NLRP14: variants seen among roughly 807,000 people sequenced by gnomAD.
NLRP14 encodes the protein NACHT, LRR and PYD domains-containing protein 14.
A neutral mutation model predicts 94.7 loss-of-function variants in NLRP14; 105 were observed. The observed-to-expected ratio is 1.11, with a 90% CI of 0.95 to 1.30. The LOEUF (loss-of-function observed/expected upper bound fraction) is 1.30, where lower values mean the gene tolerates loss of function less well. Ranked by LOEUF, NLRP14 falls within the 50% of genes most tolerant of loss-of-function variation. The pLI is 0.00. For synonymous variants in NLRP14, 508 were observed against 459.9 expected (o/e 1.10, Z -1.34); for missense variants, 1,362 against 1,254.1 (o/e 1.09, Z -1.30).
At chr11:7,063,316 A>G (rs1423053508) in intron 10 of NLRP14, among the ~76,000 whole-genome samples, 3 of 152,102 alleles carry the variant, frequency 2.0e-5, no homozygotes, top group Non-Finnish European at 4.4e-5. Flanking sequence ...CTTGTAGCAG[A>G]GCAAGAGCAT....
At chr11:7,089,849 C>T in the NLRP14 span, 7 of 1,611,898 alleles carry the variant, frequency 4.3e-6, no homozygotes, top group East Asian at 4.5e-5. Context: ...ACCGCGATTA[C>T]GGCCACTCCA....
At chr11:7,042,325 A>T (rs1471554029) in intron 3 of NLRP14, 63 bp from the exon 4 acceptor site, 2 of 1,349,128 alleles carry the variant, frequency 1.5e-6, no homozygotes, top group Non-Finnish European at 2.1e-6. Flanking sequence ...ATTACATTTC[A>T]TAGAATTTGT....
At chr11:7,081,429 T>C in the NLRP14 span, among the ~76,000 whole-genome samples, 1 of 152,158 alleles carries the variant, frequency 6.6e-6, no homozygotes, top group Non-Finnish European at 1.5e-5. Context: ...TAATCTTTTA[T>C]AGTCACAGAG....
At chr11:7,052,120 C>G (rs1589866467) in intron 6 of NLRP14, among the ~76,000 whole-genome samples, 3 of 152,126 alleles carry the variant, frequency 2.0e-5, no homozygotes, top group Admixed American at 2.0e-4. Context: ...AAACAGAAAC[C>G]TTGGCATAGT....
chr11:7,055,711 T>C (rs534610210), intron 6 of NLRP14, among the ~76,000 whole-genome samples: 10 of 152,122 alleles, frequency 6.6e-5, no homozygotes, highest in Non-Finnish European at 8.8e-5. Context: ...CAGAGCTTAT[T>C]CTAGGTAGAT....
At chr11:7,065,361 A>G (rs1852689558) in intron 10 of NLRP14, among the ~76,000 whole-genome samples, 1 of 152,100 alleles carries the variant, frequency 6.6e-6, no homozygotes, top group Non-Finnish European at 1.5e-5. Context: ...TTGTGTTTAT[A>G]CATAGAAACA....
intron 5 of NLRP14, among the ~76,000 whole-genome samples, chr11:7,047,770 T>TC (rs2119639777): frequency 6.8e-6 from 1 of 147,154 alleles, no homozygotes; most frequent in East Asian, 2.0e-4. Flanking sequence ...TTTCTTTTCT[T>TC]TTTTTTTTTT....
the NLRP14 span, chr11:7,089,239 T>G: frequency 6.2e-7 from 1 of 1,612,744 alleles, no homozygotes; most frequent in Non-Finnish European, 8.5e-7. Context: ...GTGCTCCTGA[T>G]GAAAGACCGA....
At chr11:7,089,520 A>G in the NLRP14 span, 1,207,643 of 1,214,968 alleles carry the variant, frequency 0.99, 600,550 homozygotes, top group East Asian at 1. Flanking sequence ...CGGCGGCTAC[A>G]CGGCGGATTT....
In NLRP14 at chr11:7,038,704, C is replaced by A. The variant is rs769071681; in HGVS notation, c.118C>A (p.Pro40Thr). 4.3e-6 allele frequency: 7 copies of A among 1,614,042 alleles called. No individual in the cohort carries two copies. The highest frequency in any genetic ancestry group is 5.1e-6 in the Non-Finnish European group (6 of 1,179,944). The change falls in exon 2 of 12, where the codon CCT becomes ACT. Residue 40 changes from proline to threonine, a missense_variant. Pro to Thr is a conservative substitution (Grantham distance 38, BLOSUM62 -1). Coordinates refer to ENST00000299481, the MANE Select transcript of NLRP14 (RefSeq NM_176822.4). ...FKLFLKETME[P>T]EHGLTPWNEV... Reference sequence around the variant, plus strand: ...GTTATTCCTAAAGGAGACCATGGAACCTGAGCATGGCCTGACACCCTGGAA... The same window carrying A: ...GTTATTCCTAAAGGAGACCATGGAAACTGAGCATGGCCTGACACCCTGGAA...
intron 1 of NLRP14, among the ~76,000 whole-genome samples, chr11:7,030,974 C>T (rs1167110410): frequency 2.0e-5 from 3 of 152,216 alleles, no homozygotes; most frequent in South Asian, 2.1e-4. Context: ...GAGCAGAGCT[C>T]CCTTGGCCCC....
intron 2 of NLRP14, 71 bp downstream of exon 2, chr11:7,038,946 T>C: frequency 6.8e-7 from 1 of 1,462,004 alleles, no homozygotes; most frequent in Non-Finnish European, 9.4e-7. Flanking sequence ...GTGGAATGTT[T>C]CTGTAAGAGG....
rs1852538127 is a variant in NLRP14, at chr11:7,057,707, T to G, written c.2322T>G (p.Cys774Trp). ...RLESCNLTVF[C>W]CLNISNALIR... ...AATCTTGCAACCTAACTGTATTTTGTTGTCTAAATATATCTAATGCTCTCA... is the reference window on the plus strand; with the variant it reads ...AATCTTGCAACCTAACTGTATTTTGGTGTCTAAATATATCTAATGCTCTCA... Residue 774 changes from cysteine to tryptophan, a missense_variant, in exon 7 of 12, where the codon TGT becomes TGG. Coordinates refer to ENST00000299481, the MANE Select transcript of NLRP14 (RefSeq NM_176822.4). The G allele has an allele frequency of 1.9e-6, 3 of 1,612,676 alleles. No individual in the cohort carries two copies. In the South Asian group the frequency reaches 3.3e-5, roughly 18 times the overall value.
chr11:7,027,933 A>G (rs1482739609), intron 1 of NLRP14, among the ~76,000 whole-genome samples: 1 of 152,002 alleles, frequency 6.6e-6, no homozygotes, highest in Admixed American at 6.6e-5. Context: ...TCCTCTCTGG[A>G]TGTTCTTTTT....
At chr11:7,073,263 G>T (rs75037657), downstream of NLRP14, among the ~76,000 whole-genome samples, 1,756 of 152,290 alleles carry the variant, frequency 0.012, 32 homozygotes, top group African/African-American at 0.04. Flanking sequence ...TAGTGTCAAA[G>T]AATTTGTGGC....
intron 1 of NLRP14, among the ~76,000 whole-genome samples, chr11:7,033,419 C>T (rs1852122804): frequency 6.6e-6 from 1 of 152,200 alleles, no homozygotes; most frequent in African/African-American, 2.4e-5. Context: ...ATATTTGTCA[C>T]AATGAAGACA....
chr11:7,059,940 ACTTCT>A lies in NLRP14; in HGVS notation c.2686_2690del (p.Leu896ThrfsTer25). On this transcript the variant is annotated frameshift_variant, in exon 9 of 12. Coordinates refer to ENST00000299481, the MANE Select transcript of NLRP14 (RefSeq NM_176822.4). LOFTEE classifies it high-confidence loss of function. ...TTCACTTAGCAGTGAATATCTGTCAACTTCTCTTCTACACAACAAGAGCCTGACGC... is the reference window on the plus strand; with the variant it reads ...TTCACTTAGCAGTGAATATCTGTCAACTTCTACACAACAAGAGCCTGACGC... 1 of 1,612,668 alleles carries A rather than the reference ACTTCT, an allele frequency of 6.2e-7. No individual in the cohort carries two copies. The highest frequency in any genetic ancestry group is 1.1e-5 in the South Asian group (1 of 91,064).
chr11:7,059,578 C>T (rs1177590576), intron 8 of NLRP14, among the ~76,000 whole-genome samples: 1 of 151,992 alleles, frequency 6.6e-6, no homozygotes, highest in African/African-American at 2.4e-5. Flanking sequence ...TAAGATTACT[C>T]TTATTCTACT....
At chr11:7,029,162 C>G (rs1330154147) in intron 1 of NLRP14, among the ~76,000 whole-genome samples, 1 of 152,156 alleles carries the variant, frequency 6.6e-6, no homozygotes, top group Non-Finnish European at 1.5e-5. Flanking sequence ...CTCTCAAACT[C>G]TTAGTAAAAA....
Sources: allele counts gnomAD v4.1 joint callset (sites outside exome capture counted in the v4.1 genomes callset), GRCh38; gene constraint gnomAD v4.1.1; transcripts MANE v1.5; gene names NCBI Gene and HGNC (gene_info 2026-07-23, HGNC 2026-07-21).